TLN1: variants seen among roughly 807,000 people sequenced by gnomAD.
TLN1 encodes the protein talin 1.
TLN1 carries 56 observed loss-of-function variants against 292.3 expected under a neutral mutation model. The ratio of observed to expected loss-of-function variants is 0.19; its 90% CI spans 0.15 to 0.24. TLN1 has a LOEUF of 0.24. TLN1 is among the 10% of genes least tolerant of loss of function. The pLI is 1.00. For synonymous variants in TLN1, 1,119 were observed against 1,253.7 expected (o/e 0.89, Z 2.27); for missense variants, 2,433 against 3,248.2 (o/e 0.75, Z 6.10).
chr9:35,709,551 A>G (rs2131889851), intron 33 of TLN1, among the ~76,000 whole-genome samples: 1 of 152,348 alleles, frequency 6.6e-6, no homozygotes, highest in Non-Finnish European at 1.5e-5. Context: ...AAGTTAAGTG[A>G]TAACTCAAGT....
chr9:35,725,804 G>A, intron 1 of TLN1, 77 bp from the exon 2 acceptor site: 1 of 1,391,602 alleles, frequency 7.2e-7, no homozygotes, highest in South Asian at 1.4e-5. Flanking sequence ...GAGTCCAAGG[G>A]AAGAGTGTTT....
At chr9:35,723,896 G>T in intron 7 of TLN1, 56 bp downstream of exon 7, 1 of 1,601,990 alleles carries the variant, frequency 6.2e-7, no homozygotes, top group Non-Finnish European at 8.5e-7. Context: ...GCCCACTGGG[G>T]TCACAATGGC....
chr9:35,711,886 G>C, intron 28 of TLN1, 94 bp from the exon 29 acceptor site: 2 of 1,595,812 alleles, frequency 1.3e-6, no homozygotes, highest in Non-Finnish European at 1.7e-6. Flanking sequence ...CACATAGCCT[G>C]GGAGTAATGA....
chr9:35,720,619 A>AT, intron 11 of TLN1, 110 bp from the exon 12 acceptor site: 1 of 1,145,782 alleles, frequency 8.7e-7, no homozygotes, highest in South Asian at 1.4e-5. Flanking sequence ...CTGAGTGTCC[A>AT]TTTCTTTTTC....
rs769544665 is a variant in TLN1 at position 35,710,639 on chromosome 9, G to A, written c.4248C>T (p.Asn1416=). 32 of 1,614,220 alleles carry A rather than the reference G, an allele frequency of 2.0e-5. No homozygotes were observed. Among genetic ancestry groups the A allele is most frequent in the Middle Eastern group, 3.3e-4 (2 of 6,060 alleles). Residue 1416 remains asparagine, a synonymous_variant, in exon 33 of 57, where the codon AAC becomes AAT. Coordinates refer to ENST00000314888, the MANE Select transcript of TLN1 (RefSeq NM_006289.4). ...CATCTCCAAACTCTGGCAGGTTTCCGTTCTTGGCATTTTGGGAGATGCCAG... is the reference window on the plus strand; with the variant it reads ...CATCTCCAAACTCTGGCAGGTTTCCATTCTTGGCATTTTGGGAGATGCCAG... ...AMTGISQNAK[N]GNLPEFGDAI... is the part of the protein sequence containing the mutation.
At position 35,724,852 on chromosome 9, in the gene TLN1, G is replaced by A; in HGVS notation, c.336C>T (p.Leu112=). Residue 112 remains leucine, a synonymous_variant, in exon 4 of 57, where the codon CTC becomes CTT. Coordinates refer to ENST00000314888, the MANE Select transcript of TLN1 (RefSeq NM_006289.4). This position sits in a 1 kb window ranked among gnomAD's most constrained non-coding sequence, Gnocchi z 4.7. ...VDDSKTVTDM[L]MTICARIGIT... is the part of the protein sequence containing the mutation. ...TACCAATGCGGGCACAGATGGTCAT[G>A]AGCATGTCAGTGACAGTCTTAGAGT... 1.2e-6 allele frequency: 2 copies of A among 1,614,166 alleles called. No homozygotes were observed. Among genetic ancestry groups the A allele is most frequent in the South Asian group, 1.1e-5 (1 of 91,082 alleles).
chr9:35,707,006 G>C lies in TLN1; in HGVS notation c.4955+66C>G. Reference sequence around the variant, plus strand: ...CACCATCCCATCTCATTGCACTCAAGTGCCCATCCTCCATTCTGCCACAAT... The same window carrying C: ...CACCATCCCATCTCATTGCACTCAACTGCCCATCCTCCATTCTGCCACAAT... On this transcript the variant is annotated intron_variant, in intron 37 of 56. Coordinates refer to ENST00000314888, the MANE Select transcript of TLN1 (RefSeq NM_006289.4). The surrounding 1 kb of genome is among the most constrained non-coding windows in gnomAD (Gnocchi z 5.6). The C allele has an allele frequency of 1.9e-6, 3 of 1,608,298 alleles. No homozygotes were observed. The highest frequency in any genetic ancestry group is 2.5e-6 in the Non-Finnish European group (3 of 1,178,310).
At position 35,718,874 on chromosome 9, in the gene TLN1, C is replaced by T. The variant is rs371169599; in HGVS notation, c.1933G>A (p.Gly645Ser). ...QNLLQAAGNV[G>S]QASGELLQQI... ...TGCAACAGCTCCCCACTGGCCTGGC[C>T]CACGTTCCCAGCTGCTTGCAGCAGG... The change falls in exon 17 of 57, where the codon GGC becomes AGC. Residue 645 changes from glycine to serine, a missense_variant. Physicochemically the swap from Gly to Ser is moderately conservative, Grantham distance 56. Coordinates refer to ENST00000314888, the MANE Select transcript of TLN1 (RefSeq NM_006289.4). 2 of 1,613,450 alleles carry T rather than the reference C, an allele frequency of 1.2e-6. No individual in the cohort carries two copies. The highest frequency in any genetic ancestry group is 2.7e-5 in the African/African-American group (2 of 74,892).
At position 35,706,818 on chromosome 9, in the gene TLN1, G is replaced by C; in HGVS notation, c.5038C>G (p.Leu1680Val). ...SCLRDLDQASLAAVSQQLAPR... is the reference protein window; with the variant it reads ...SCLRDLDQASVAAVSQQLAPR... ...GCAAGCTGCTGGCTGACTGCAGCGAGGGAAGCCTGGTCTAGGTCCCGTAGA... is the reference window on the plus strand; with the variant it reads ...GCAAGCTGCTGGCTGACTGCAGCGACGGAAGCCTGGTCTAGGTCCCGTAGA... Residue 1680 changes from leucine to valine, a missense_variant, in exon 38 of 57, where the codon CTC becomes GTC. Transcript: ENST00000314888. The surrounding 1 kb of genome is among the most constrained non-coding windows in gnomAD (Gnocchi z 4.2). 1 of 1,614,076 alleles carries C rather than the reference G, an allele frequency of 6.2e-7. No individual in the cohort carries two copies. Among genetic ancestry groups the C allele is most frequent in the Non-Finnish European group, 8.5e-7 (1 of 1,180,026 alleles).
chr9:35,702,065 C>A (rs556393678), intron 48 of TLN1, among the ~76,000 whole-genome samples: 1 of 152,038 alleles, frequency 6.6e-6, no homozygotes, highest in African/African-American at 2.4e-5. Context: ...AGCCAAATTG[C>A]GGGAGAGTAT....
rs2131901167 is a variant in TLN1, at chr9:35,718,921, T to C, written c.1897-11A>G. 6.2e-7 allele frequency: 1 copy of C among 1,609,910 alleles called. No individual in the cohort carries two copies. Among genetic ancestry groups the C allele is most frequent in the African/African-American group, 1.3e-5 (1 of 74,778 alleles). On this transcript the variant is annotated splice_polypyrimidine_tract_variant and intron_variant, in intron 16 of 56. Coordinates refer to ENST00000314888, the MANE Select transcript of TLN1 (RefSeq NM_006289.4). ...CAGGTTCTGACGGGGCTGTGGAGAG[T>C]GAACACCAGTCAGAAGCTGCCCAAT...
Position 35,732,094 on chromosome 9 carries a change from G to A in TLN1, c.-53C>T, listed in dbSNP as rs957733309. 2.0e-5 allele frequency: 3 copies of A among 151,690 alleles called. No homozygotes were observed. The highest frequency in any genetic ancestry group is 2.9e-5 in the Non-Finnish European group (2 of 68,222). 9.4% of individuals were successfully genotyped at this position (151,690 alleles called of 1,614,324 possible). On this transcript the variant is annotated 5_prime_UTR_variant, in exon 1 of 57. Transcript: ENST00000314888. This position sits in a 1 kb window ranked among gnomAD's most constrained non-coding sequence, Gnocchi z 5.1. ...GCCTACCTGCGCTGCCTGGCTCTGCGCCCCGCCCGCCGGCCCGCCGCCCCG... is the reference window on the plus strand; with the variant it reads ...GCCTACCTGCGCTGCCTGGCTCTGCACCCCGCCCGCCGGCCCGCCGCCCCG...
chr9:35,713,959 C>T lies in TLN1; in HGVS notation c.3243G>A (p.Gly1081=), dbSNP rs749660329. The stretch of plus-strand genomic sequence containing the variant: ...AGGTCTTAAACATACTTACTGTCTC[C>T]CCAGGTAAGGGTTTAAGCTTGCCAT... ...ARDGKLKPLP[G]ETMEKCTQDL... The change falls in exon 25 of 57, where the codon GGG becomes GGA. Residue 1081 remains glycine (G), a synonymous_variant. Transcript: ENST00000314888. The T allele has an allele frequency of 8.7e-6, 14 of 1,613,934 alleles. No individual in the cohort carries two copies. Among genetic ancestry groups the T allele is most frequent in the Non-Finnish European group, 1.2e-5 (14 of 1,180,022 alleles).
At chr9:35,723,323 G>C (rs1014257877) in intron 7 of TLN1, 1 of 205,700 alleles carries the variant, frequency 4.9e-6, no homozygotes, top group African/African-American at 2.4e-5. Flanking sequence ...GGCTGGTCTC[G>C]AACTCCCGAC....
rs1587987813 is a variant in TLN1 at position 35,720,092 on chromosome 9, C to T, written c.1411G>A (p.Ala471Thr). The change falls in exon 13 of 57, where the codon GCC (alanine) becomes ACC (threonine). Residue 471 changes from alanine (A) to threonine (T), a missense_variant. Coordinates refer to ENST00000314888, the MANE Select transcript of TLN1 (RefSeq NM_006289.4). ...TGGCCGCTGGTAATCTGCTGCTGGGCAGGGGGCATGCTGCCCACCTGGAAA... is the reference window on the plus strand; with the variant it reads ...TGGCCGCTGGTAATCTGCTGCTGGGTAGGGGGCATGCTGCCCACCTGGAAA... ...ENFQVGSMPP[A>T]QQQITSGQMH... 6.2e-7 allele frequency: 1 copy of T among 1,609,062 alleles called. No homozygotes were observed. The highest frequency in any genetic ancestry group is 8.5e-7 in the Non-Finnish European group (1 of 1,177,768).
In TLN1 at chr9:35,697,637, G is replaced by T; in HGVS notation, c.*154C>A. 1 of 1,123,058 alleles carries T rather than the reference G, an allele frequency of 8.9e-7. No homozygotes were observed. Among genetic ancestry groups the T allele is most frequent in the Non-Finnish European group, 1.3e-6 (1 of 793,838 alleles). The allele number at this position is 1,123,058 out of a possible 1,614,324, so 69.6% of individuals were successfully genotyped here. On this transcript the variant is annotated 3_prime_UTR_variant, in exon 57 of 57. Coordinates refer to ENST00000314888, the MANE Select transcript of TLN1 (RefSeq NM_006289.4). ...TGGGGTTGGGGAGGGGACAGGGGATGTACTGCGGGACTGGGCGGGGCCAGG... is the reference window on the plus strand; with the variant it reads ...TGGGGTTGGGGAGGGGACAGGGGATTTACTGCGGGACTGGGCGGGGCCAGG...
chr9:35,710,746 G>A (rs769490839), intron 32 of TLN1, 51 bp downstream of exon 32: 1 of 1,613,732 alleles, frequency 6.2e-7, no homozygotes, highest in Admixed American at 1.7e-5. Context: ...GCAGCATCTG[G>A]TTAGCTCCAT....
At chr9:35,720,298 G>T in intron 12 of TLN1, 79 bp from the exon 13 acceptor site, 3 of 1,533,202 alleles carry the variant, frequency 2.0e-6, no homozygotes, top group South Asian at 1.2e-5. Context: ...ACCTTTGCAG[G>T]TGTGTGAGGT....
At chr9:35,716,276 C>T in intron 20 of TLN1, 114 bp downstream of exon 20, 3 of 1,247,332 alleles carry the variant, frequency 2.4e-6, no homozygotes, top group South Asian at 1.5e-5. Flanking sequence ...CTATATTTGT[C>T]CTCTTGTGTT....
Sources: gnomAD v4.1 joint callset for allele counts (sites outside exome capture counted in the v4.1 genomes callset) on GRCh38, gnomAD v4.1.1 for gene constraint, Gnocchi (gnomAD v3.1) non-coding constraint, MANE v1.5 for transcripts, NCBI Gene and HGNC (gene_info 2026-07-23, HGNC 2026-07-21) for gene names.